Variants in CIT observed in about 807,000 individuals in gnomAD.
CIT encodes citron Rho-interacting kinase.
In CIT, 79 loss-of-function variants were observed where a neutral mutation model predicts 272.7. That is an observed-to-expected ratio of 0.29 (90% CI 0.24 to 0.35). The LOEUF is 0.35. Ranked by LOEUF, CIT falls within the 10% of genes least tolerant of loss-of-function variation. CIT has a pLI of 1.00. For synonymous variants in CIT, 948 were observed against 995.6 expected (o/e 0.95, Z 0.90); for missense variants, 1,909 against 2,618.3 (o/e 0.73, Z 5.91).
In CIT at chr12:119,770,305, G is replaced by A. The variant is rs968722215; in HGVS notation, c.2208+480C>T. On this transcript the variant is annotated intron_variant, in intron 18 of 47. Transcript: ENST00000392521. The surrounding 1 kb of genome is among the most constrained non-coding windows in gnomAD (Gnocchi z 4.4). ...CAACTGTAGCAGAGAAAGTGAGTGG[G>A]TGAACATGGATCTATGACAAATACT... is the stretch of plus-strand genomic sequence containing the variant. 6.6e-6 allele frequency among the ~76,000 whole-genome samples: 1 copy of A among 152,070 alleles called. No individual in the cohort carries two copies.
At chr12:119,876,392 C>T (rs1334839768) in intron 1 of CIT, among the ~76,000 whole-genome samples, 1 of 152,120 alleles carries the variant, frequency 6.6e-6, no homozygotes, top group African/African-American at 2.4e-5. Flanking sequence ...TACTCTCTTA[C>T]TTATAAATGT....
At chr12:119,698,491 G>A (rs55775618) in intron 44 of CIT, among the ~76,000 whole-genome samples, 3,907 of 152,014 alleles carry the variant, frequency 0.026, 61 homozygotes, top group African/African-American at 0.039. Context: ...TCAGGAGGCT[G>A]AGGCGGGAGA....
rs2137709465 is a variant in CIT at position 119,784,406 on chromosome 12, C to T, written c.1402-355G>A. On this transcript the variant is annotated intron_variant, in intron 11 of 47. Transcript: ENST00000392521. This position sits in a 1 kb window ranked among gnomAD's most constrained non-coding sequence, Gnocchi z 4.7. ...TATCCCAAATCCATCTTGATCCCCC[C>T]CCATCTCCTTGCAAAGATCTAGAGG... 1 of 1,225,508 alleles carries T rather than the reference C, an allele frequency of 8.2e-7. No individual in the cohort carries two copies. Among genetic ancestry groups the T allele is most frequent in the Admixed American group, 3.2e-5 (1 of 31,518 alleles). 75.9% of individuals were successfully genotyped at this position (1,225,508 alleles called of 1,614,324 possible).
At chr12:119,688,349 G>A in intron 47 of CIT, 94 bp from the exon 48 acceptor site, 1 of 1,255,770 alleles carries the variant, frequency 8.0e-7, no homozygotes, top group Non-Finnish European at 1.2e-6. Context: ...CAGCCCCTGG[G>A]CTATCCCCTT....
chr12:119,692,293 A>T (rs182593979), intron 46 of CIT, among the ~76,000 whole-genome samples: 1 of 152,372 alleles, frequency 6.6e-6, no homozygotes. Flanking sequence ...TAAAAAACTA[A>T]AACTAAAAAT....
Position 119,718,982 on chromosome 12 carries a change from A to G in CIT, c.3841-121T>C. 1 of 963,652 alleles carries G rather than the reference A, an allele frequency of 1.0e-6. No homozygotes were observed. Among genetic ancestry groups the G allele is most frequent in the Non-Finnish European group, 1.5e-6 (1 of 647,332 alleles). 59.7% of individuals were successfully genotyped at this position (963,652 alleles called of 1,614,324 possible). A position where few individuals can be genotyped will look rare whatever the true frequency, so the allele number is the denominator to read the frequency against. ...CCAGGAGCATACTCACTGTAAGTGT[A>G]TTTAGTAAAAATGGCATGTGAAGGG... On this transcript the variant is annotated intron_variant, in intron 30 of 47. Transcript: ENST00000392521. This position sits in a 1 kb window ranked among gnomAD's most constrained non-coding sequence, Gnocchi z 4.8.
intron 23 of CIT, among the ~76,000 whole-genome samples, chr12:119,746,782 A>C (rs1283301346): frequency 1.3e-5 from 2 of 152,212 alleles, no homozygotes; most frequent in African/African-American, 2.4e-5. Flanking sequence ...TGTTTATGAA[A>C]TATAAACACA....
intron 46 of CIT, among the ~76,000 whole-genome samples, chr12:119,691,643 G>A (rs760453788): frequency 6.6e-6 from 1 of 152,108 alleles, no homozygotes; most frequent in African/African-American, 2.4e-5. Context: ...AAAACACTGC[G>A]GCCTTTTTGT....
intron 39 of CIT, among the ~76,000 whole-genome samples, chr12:119,708,633 A>G (rs1436166132): frequency 6.6e-6 from 1 of 151,942 alleles, no homozygotes; most frequent in Non-Finnish European, 1.5e-5. Flanking sequence ...TTACAGGTGC[A>G]TGCTACCACG....
intron 44 of CIT, chr12:119,698,267 T>G (rs1956342382): frequency 1.6e-6 from 1 of 608,192 alleles, no homozygotes; most frequent in Non-Finnish European, 3.0e-6. Context: ...ACAACTCAAG[T>G]GTACAGTGTA....
At chr12:119,802,482 T>C (rs889595855) in intron 10 of CIT, among the ~76,000 whole-genome samples, 23 of 152,192 alleles carry the variant, frequency 1.5e-4, no homozygotes, top group African/African-American at 5.1e-4. Flanking sequence ...TTTACAGTGA[T>C]ATTTATATTT....
At chr12:119,801,225 T>C (rs746788479) in intron 10 of CIT, among the ~76,000 whole-genome samples, 39 of 152,156 alleles carry the variant, frequency 2.6e-4, no homozygotes, top group Non-Finnish European at 4.0e-4. Flanking sequence ...AGAGGTGAGA[T>C]AGCACATCTT....
chr12:119,876,083 A>G lies in CIT; in HGVS notation c.86T>C (p.Leu29Pro). 1 of 1,612,938 alleles carries G rather than the reference A, an allele frequency of 6.2e-7. No homozygotes were observed. The highest frequency in any genetic ancestry group is 1.1e-5 in the South Asian group (1 of 91,028). ...PIASRASRLN[L>P]FFQGKPPFMT... ...AGGGTAGGCTGTTACCTGGAAGAAC[A>G]GATTCAGCCTGGAGGCCCGGCTGGC... The change falls in exon 2 of 48, where the codon CTG becomes CCG. Residue 29 changes from leucine (L) to proline (P), a missense_variant. Leu to Pro is a moderately conservative substitution (Grantham distance 98). Coordinates refer to ENST00000392521, the MANE Select transcript of CIT (RefSeq NM_001206999.2).
intron 22 of CIT, among the ~76,000 whole-genome samples, chr12:119,755,252 G>GA (rs1172925135): frequency 6.6e-6 from 1 of 152,068 alleles, no homozygotes; most frequent in Non-Finnish European, 1.5e-5. Context: ...CCCATTGCTA[G>GA]AAAAAATGAA....
chr12:119,860,100 G>A (rs1322001411), intron 3 of CIT, among the ~76,000 whole-genome samples: 1 of 152,170 alleles, frequency 6.6e-6, no homozygotes, highest in Non-Finnish European at 1.5e-5. Context: ...TTACAGGCAT[G>A]AACCATCGCA....
chr12:119,707,656 C>T (rs556679479), intron 40 of CIT, among the ~76,000 whole-genome samples: 4 of 152,286 alleles, frequency 2.6e-5, no homozygotes, highest in East Asian at 3.9e-4. Flanking sequence ...CGCCCGCCAC[C>T]GTGCCCAGCT....
At chr12:119,738,654 C>T (rs529407789) in intron 24 of CIT, among the ~76,000 whole-genome samples, 7 of 152,100 alleles carry the variant, frequency 4.6e-5, no homozygotes, top group Admixed American at 3.3e-4. Flanking sequence ...GAGGCTGAGG[C>T]GGGTGGATCA....
chr12:119,828,311 T>C (rs1968331008), intron 7 of CIT, among the ~76,000 whole-genome samples: 1 of 152,230 alleles, frequency 6.6e-6, no homozygotes, highest in Non-Finnish European at 1.5e-5. Context: ...AAGTGTGTAA[T>C]AGTAATTAAC....
In CIT at chr12:119,869,177, G is replaced by A. The variant is rs1173186326; in HGVS notation, c.121C>T (p.Gln41Ter). 4 of 1,608,768 alleles carry A rather than the reference G, an allele frequency of 2.5e-6. No individual in the cohort carries two copies. Among genetic ancestry groups the A allele is most frequent in the South Asian group, 1.1e-5 (1 of 89,920 alleles). Residue 41 changes from glutamine (Q) to a stop codon, truncating the protein, a stop_gained, in exon 3 of 48, where the codon CAG becomes TAG. Transcript: ENST00000392521. LOFTEE classifies it high-confidence loss of function. Reference sequence around the variant, plus strand: ...TCTCGGGAAAGAGGAGACATCTGCTGTTGAGTCATAAAGGGTGGTTTCCCC... The same window carrying A: ...TCTCGGGAAAGAGGAGACATCTGCTATTGAGTCATAAAGGGTGGTTTCCCC... ...FQGKPPFMTQ[Q>*]QMSPLSREGI...
Sources: allele counts gnomAD v4.1 joint callset (sites outside exome capture counted in the v4.1 genomes callset), GRCh38; gene constraint gnomAD v4.1.1; non-coding constraint Gnocchi (gnomAD v3.1); transcripts MANE v1.5; gene names NCBI Gene and HGNC (gene_info 2026-07-23, HGNC 2026-07-21).